Variants in CTNNA2 observed in about 807,000 individuals in gnomAD.
The protein encoded by CTNNA2 is catenin alpha-2.
A neutral mutation model predicts 101.0 loss-of-function variants in CTNNA2; 42 were observed. That is an observed-to-expected ratio of 0.42 (90% confidence interval 0.32 to 0.54). The LOEUF (loss-of-function observed/expected upper bound fraction) is 0.54, where lower values mean the gene tolerates loss of function less well. CTNNA2 is among the 20% of genes least tolerant of loss of function. The pLI, the probability that CTNNA2 is intolerant of heterozygous loss-of-function variation, is 0.14. For synonymous variants in CTNNA2, 450 were observed against 456.4 expected (o/e 0.99, Z 0.18); for missense variants, 871 against 1,223.1 (o/e 0.71, Z 4.29).
chr2:80,327,673 T>C (rs758695454), intron 7 of CTNNA2, among the ~76,000 whole-genome samples: 1 of 152,248 alleles, frequency 6.6e-6, no homozygotes, highest in Non-Finnish European at 1.5e-5. Flanking sequence ...TATCATTCAC[T>C]GACAACCACT....
intron 1 of CTNNA2, among the ~76,000 whole-genome samples, chr2:79,543,141 A>T (rs982940138): frequency 6.6e-6 from 1 of 152,154 alleles, no homozygotes; most frequent in African/African-American, 2.4e-5. Flanking sequence ...TTGACTTTCA[A>T]GTACGACATT....
At chr2:79,719,540 C>T (rs974812695) in intron 2 of CTNNA2, among the ~76,000 whole-genome samples, 58 of 152,090 alleles carry the variant, frequency 3.8e-4, no homozygotes, top group African/African-American at 1.0e-3. Context: ...CTCTTTTATC[C>T]GCAGCCTCAC....
chr2:79,983,130 A>ATG (rs1691505862), intron 7 of CTNNA2, among the ~76,000 whole-genome samples: 1 of 149,204 alleles, frequency 6.7e-6, no homozygotes, highest in South Asian at 2.1e-4. Context: ...TTATATATAT[A>ATG]TGTGTATATA....
intron 7 of CTNNA2, among the ~76,000 whole-genome samples, chr2:80,253,334 C>CA (rs1317726509): frequency 2.6e-5 from 4 of 152,174 alleles, no homozygotes. Flanking sequence ...TTCTATTTCT[C>CA]ATGACCACCC....
intron 3 of CTNNA2, among the ~76,000 whole-genome samples, chr2:79,313,919 C>T (rs1197504897): frequency 6.6e-6 from 1 of 152,118 alleles, no homozygotes; most frequent in African/African-American, 2.4e-5. Context: ...GGGCAAGACC[C>T]GGTGTGAGAA....
intron 7 of CTNNA2, among the ~76,000 whole-genome samples, chr2:79,949,837 G>A (rs1478451466): frequency 6.6e-6 from 1 of 152,104 alleles, no homozygotes. Flanking sequence ...CTATTTTGAA[G>A]TCAGAATGCT....
At chr2:80,634,219 A>T (rs1438933166) in intron 18 of CTNNA2, among the ~76,000 whole-genome samples, 1 of 152,172 alleles carries the variant, frequency 6.6e-6, no homozygotes, top group African/African-American at 2.4e-5. Flanking sequence ...GTATATAAGA[A>T]TATTAAAATA....
intron 7 of CTNNA2, among the ~76,000 whole-genome samples, chr2:80,215,549 T>C (rs992159628): frequency 1.3e-5 from 2 of 152,194 alleles, no homozygotes; most frequent in Non-Finnish European, 2.9e-5. Flanking sequence ...TTTGCCTGGG[T>C]AACACCAGCT....
intron 6 of CTNNA2, among the ~76,000 whole-genome samples, chr2:79,899,577 T>TA (rs1286742413): frequency 6.6e-6 from 1 of 152,294 alleles, no homozygotes; most frequent in Non-Finnish European, 1.5e-5. Flanking sequence ...AAATTTCTCT[T>TA]AAAAAACACA....
intron 7 of CTNNA2, among the ~76,000 whole-genome samples, chr2:79,973,817 G>T (rs1690654928): frequency 6.6e-6 from 1 of 152,208 alleles, no homozygotes; most frequent in Non-Finnish European, 1.5e-5. Context: ...CCAGTGTAAG[G>T]TTGGACAGGC....
chr2:80,273,033 G>A (rs1463256294), intron 7 of CTNNA2, among the ~76,000 whole-genome samples: 2 of 152,274 alleles, frequency 1.3e-5, no homozygotes, highest in Admixed American at 1.3e-4. Flanking sequence ...CCTTTCTGTT[G>A]TACCTAAATT....
At chr2:79,704,229 A>G (rs1439881004) in intron 2 of CTNNA2, among the ~76,000 whole-genome samples, 1 of 152,162 alleles carries the variant, frequency 6.6e-6, no homozygotes, top group Non-Finnish European at 1.5e-5. Flanking sequence ...TAAGAGGTTT[A>G]TTGCCTAGTG....
chr2:80,506,111 C>T (rs1449950939), intron 9 of CTNNA2, among the ~76,000 whole-genome samples: 1 of 152,170 alleles, frequency 6.6e-6, no homozygotes, highest in African/African-American at 2.4e-5. Context: ...TTTACAGATA[C>T]AGTGCATGAG....
intron 13 of CTNNA2, among the ~76,000 whole-genome samples, chr2:80,577,259 A>G (rs1695134292): frequency 6.6e-6 from 1 of 152,168 alleles, no homozygotes; most frequent in Non-Finnish European, 1.5e-5. Flanking sequence ...AATGTCAAAC[A>G]TTATGCCACA....
chr2:79,824,034 A>G (rs999804538), intron 3 of CTNNA2, among the ~76,000 whole-genome samples: 2 of 152,230 alleles, frequency 1.3e-5, no homozygotes, highest in African/African-American at 2.4e-5. Context: ...AAAAGAGGGA[A>G]AGGAAATGAG....
intron 7 of CTNNA2, among the ~76,000 whole-genome samples, chr2:80,377,343 A>G (rs775464925): frequency 4.6e-5 from 7 of 152,174 alleles, no homozygotes; most frequent in Non-Finnish European, 1.0e-4. Flanking sequence ...AGGGTAAGGA[A>G]TTTGCTTATT....
chr2:80,497,622 G>A (rs1425555231), intron 9 of CTNNA2, among the ~76,000 whole-genome samples: 3 of 152,130 alleles, frequency 2.0e-5, no homozygotes. Context: ...TTCCATTGGT[G>A]TTGGCAGGAC....
At chr2:79,665,311 G>C (rs1261065817) in intron 2 of CTNNA2, among the ~76,000 whole-genome samples, 3 of 152,098 alleles carry the variant, frequency 2.0e-5, no homozygotes, top group Admixed American at 1.3e-4. Flanking sequence ...TTATCTCACA[G>C]TGTTTTGATT....
chr2:80,436,707 T>C (rs1396113847), intron 9 of CTNNA2, among the ~76,000 whole-genome samples: 1 of 152,166 alleles, frequency 6.6e-6, no homozygotes, highest in Non-Finnish European at 1.5e-5. Flanking sequence ...GCTTGCTCTC[T>C]GCTTCAAAGA....
Sources: allele counts gnomAD v4.1 joint callset (sites outside exome capture counted in the v4.1 genomes callset), GRCh38; gene constraint gnomAD v4.1.1; transcripts MANE v1.5; gene names NCBI Gene and HGNC (gene_info 2026-07-23, HGNC 2026-07-21).